KDM2A: variants seen among roughly 807,000 people sequenced by gnomAD.
KDM2A encodes the protein lysine demethylase 2A.
In KDM2A, 3 loss-of-function variants were observed where a neutral mutation model predicts 137.3. The observed-to-expected ratio is 0.02, with a 90% confidence interval of 0.01 to 0.06. The LOEUF is 0.06. KDM2A is among the 10% of genes least tolerant of loss of function. KDM2A has a pLI of 1.00. For synonymous variants in KDM2A, 512 were observed against 541.5 expected (o/e 0.95, Z 0.76); for missense variants, 738 against 1,510.6 (o/e 0.49, Z 8.48).
At chr11:67,246,960 C>T (rs2136453167) in intron 15 of KDM2A, among the ~76,000 whole-genome samples, 1 of 144,442 alleles carries the variant, frequency 6.9e-6, no homozygotes, top group South Asian at 2.2e-4. Context: ...GTTTTTGAGA[C>T]ATAGCCTTGT....
chr11:67,190,116 A>G (rs1857314193), intron 5 of KDM2A, among the ~76,000 whole-genome samples: 1 of 152,160 alleles, frequency 6.6e-6, no homozygotes, highest in Non-Finnish European at 1.5e-5. Flanking sequence ...TAAAATCAGA[A>G]GTGAAAGTGA....
chr11:67,120,674 G>A (rs141877613), intron 1 of KDM2A, among the ~76,000 whole-genome samples: 5 of 152,166 alleles, frequency 3.3e-5, no homozygotes, highest in Admixed American at 6.5e-5. Flanking sequence ...ATTTGGGAAT[G>A]ATAAGATCCG....
intron 5 of KDM2A, among the ~76,000 whole-genome samples, chr11:67,198,601 T>C (rs1857541269): frequency 6.6e-6 from 1 of 151,418 alleles, no homozygotes; most frequent in South Asian, 2.1e-4. Context: ...TCCCAGCTAT[T>C]TGGGAGGCTG....
chr11:67,217,183 G>A (rs543061139), intron 8 of KDM2A, among the ~76,000 whole-genome samples: 17 of 150,780 alleles, frequency 1.1e-4, no homozygotes, highest in East Asian at 3.9e-4. Flanking sequence ...TGGAGGTTAC[G>A]GTGAGCCAAG....
Position 67,180,210 on chromosome 11 carries a change from A to G in KDM2A, c.174A>G (p.Glu58=), listed in dbSNP as rs1857059677. ...KYNANFVTFM[E]GKDFNVEYIQ... ...ATGCCAATTTTGTTACTTTTATGGA[A>G]GGAAAAGGTCAGTATTGTTTTGGTT... Residue 58 remains glutamate, a synonymous_variant, in exon 3 of 21, where the codon GAA becomes GAG. Transcript: ENST00000529006. 4.3e-6 allele frequency: 7 copies of G among 1,613,690 alleles called. No individual in the cohort carries two copies. The highest frequency in any genetic ancestry group is 5.9e-6 in the Non-Finnish European group (7 of 1,179,756).
chr11:67,171,834 AAATC>A (rs1173744588), intron 2 of KDM2A, among the ~76,000 whole-genome samples: 2 of 152,234 alleles, frequency 1.3e-5, no homozygotes, highest in African/African-American at 4.8e-5. Context: ...TGCTTACTGA[AAATC>A]AATTCACTGT....
intron 3 of KDM2A, 77 bp from the exon 4 acceptor site, chr11:67,181,239 ATTAC>A (rs931953684): frequency 2.3e-5 from 19 of 831,868 alleles, no homozygotes; most frequent in Middle Eastern, 2.2e-4. Flanking sequence ...TTTATACTGT[ATTAC>A]TTAGGATCCT....
intron 3 of KDM2A, among the ~76,000 whole-genome samples, chr11:67,180,716 G>A (rs896442656): frequency 2.6e-4 from 39 of 151,730 alleles, no homozygotes; most frequent in African/African-American, 6.1e-4. Flanking sequence ...GCAGTGGTGC[G>A]ATCTCGGCTC....
intron 17 of KDM2A, among the ~76,000 whole-genome samples, chr11:67,251,184 G>T (rs1643856355): frequency 6.6e-6 from 1 of 152,126 alleles, no homozygotes; most frequent in Non-Finnish European, 1.5e-5. Context: ...CACTCTTCTG[G>T]TGCTGATAAC....
chr11:67,222,866 A>G (rs368020851), intron 10 of KDM2A, among the ~76,000 whole-genome samples: 1 of 150,804 alleles, frequency 6.6e-6, no homozygotes, highest in African/African-American at 2.4e-5. Context: ...CTGCATGAAG[A>G]GTTTTCTACG....
chr11:67,141,665 CA>C (rs1191493058), intron 2 of KDM2A, among the ~76,000 whole-genome samples: 148 of 63,370 alleles, frequency 2.3e-3, no homozygotes, highest in African/African-American at 7.4e-3. Flanking sequence ...AGACTCGTTC[CA>C]AAAAAAAAAA....
In KDM2A at chr11:67,254,925, A is replaced by G. The variant is rs191069592; in HGVS notation, c.3359A>G (p.Asn1120Ser). 1.2e-4 allele frequency: 190 copies of G among 1,614,036 alleles called. No homozygotes were observed. Among genetic ancestry groups the G allele is most frequent in the Non-Finnish European group, 1.6e-4 (187 of 1,179,898 alleles). ...CTGATCTACCTACGGCGCATTGCCA[A>G]CGTCACCTTGATCGACCTTCGAGGA... ...QTLIYLRRIA[N>S]VTLIDLRGCK... Residue 1120 changes from asparagine to serine, a missense_variant, in exon 21 of 21, where the codon AAC (asparagine) becomes AGC (serine). By Grantham distance (46) the Asn-to-Ser change is conservative (BLOSUM62 1). Around this residue, in one of 9 missense-constraint regions of KDM2A, gnomAD observed 166 missense variants for 324.0 expected, o/e 0.51. Coordinates refer to ENST00000529006, the MANE Select transcript of KDM2A (RefSeq NM_012308.3). This position sits in a 1 kb window ranked among gnomAD's most constrained non-coding sequence, Gnocchi z 4.7.
intron 5 of KDM2A, among the ~76,000 whole-genome samples, chr11:67,206,618 C>G (rs961815257): frequency 6.6e-6 from 1 of 152,058 alleles, no homozygotes; most frequent in African/African-American, 2.4e-5. Context: ...TGCCTGTAGT[C>G]CCAGCTACTG....
intron 2 of KDM2A, chr11:67,143,342 T>TG (rs1362121490): frequency 6.6e-6 from 1 of 152,088 alleles, no homozygotes; most frequent in Non-Finnish European, 1.5e-5. Flanking sequence ...AGAGGGTCTT[T>TG]GCTACAGGAC....
chr11:67,254,764 C>G lies in KDM2A; in HGVS notation c.3308-110C>G. 1 of 1,031,624 alleles carries G rather than the reference C, an allele frequency of 9.7e-7. No individual in the cohort carries two copies. The highest frequency in any genetic ancestry group is 1.4e-6 in the Non-Finnish European group (1 of 702,180). The allele number at this position is 1,031,624 out of a possible 1,614,324, so 63.9% of individuals were successfully genotyped here. A position where few individuals can be genotyped will look rare whatever the true frequency, so the allele number is the denominator to read the frequency against. On this transcript the variant is annotated intron_variant, in intron 20 of 20. Coordinates refer to ENST00000529006, the MANE Select transcript of KDM2A (RefSeq NM_012308.3). The surrounding 1 kb of genome is among the most constrained non-coding windows in gnomAD (Gnocchi z 4.7). Reference sequence around the variant, plus strand: ...GTCTCTGAGCCAGGTAGTTGTGGGACAAAGAGGGCTTTTGTTTAGCATTTT... The same window carrying G: ...GTCTCTGAGCCAGGTAGTTGTGGGAGAAAGAGGGCTTTTGTTTAGCATTTT...
At position 67,244,929 on chromosome 11, in the gene KDM2A, T is replaced by C. The variant is rs1489077065; in HGVS notation, c.1564-260T>C. Reference sequence around the variant, plus strand: ...GGAACCCGGGAGGCGGAGCTTGCAGTGAGCCGAGATCATGCCACTGTATTC... The same window carrying C: ...GGAACCCGGGAGGCGGAGCTTGCAGCGAGCCGAGATCATGCCACTGTATTC... On this transcript the variant is annotated intron_variant, in intron 13 of 20. Transcript: ENST00000529006. 4 of 359,290 alleles carry C rather than the reference T, an allele frequency of 1.1e-5. No individual in the cohort carries two copies. The East Asian group carries it at 2.1e-4, about 19-fold the overall frequency. The allele number at this position is 359,290 out of a possible 1,614,324, so 22.3% of individuals were successfully genotyped here. A position where few individuals can be genotyped will look rare whatever the true frequency, so the allele number is the denominator to read the frequency against.
chr11:67,249,986 T>C (rs1859358744), intron 16 of KDM2A, 100 bp from the exon 17 acceptor site: 2 of 985,090 alleles, frequency 2.0e-6, no homozygotes, highest in Non-Finnish European at 1.5e-6. Flanking sequence ...TGACCTTTCT[T>C]CTCTCTGGTC....
At chr11:67,122,466 G>A (rs887334558) in intron 2 of KDM2A, among the ~76,000 whole-genome samples, 2 of 151,212 alleles carry the variant, frequency 1.3e-5, no homozygotes, top group Non-Finnish European at 2.9e-5. Context: ...AGCTGGGACT[G>A]TAGGCATGTG....
intron 2 of KDM2A, among the ~76,000 whole-genome samples, chr11:67,136,080 C>T (rs1349835863): frequency 1.3e-5 from 2 of 152,158 alleles, no homozygotes; most frequent in Non-Finnish European, 2.9e-5. Flanking sequence ...AAGGAAAAGT[C>T]ACACTGCATA....
Sources: gnomAD v4.1 joint callset for allele counts (sites outside exome capture counted in the v4.1 genomes callset) on GRCh38, gnomAD v4.1.1 for gene constraint, gnomAD v4.1.1 regional missense constraint, Gnocchi (gnomAD v3.1) non-coding constraint, MANE v1.5 for transcripts, NCBI Gene and HGNC (gene_info 2026-07-23, HGNC 2026-07-21) for gene names.